The following RNF150 variants were observed in gnomAD, a reference collection of about 807,000 sequenced individuals.
The protein encoded by RNF150 is ring finger protein 150.
In RNF150, 24 loss-of-function variants were observed where a neutral mutation model predicts 39.3. The ratio of observed to expected loss-of-function variants is 0.61; its 90% CI spans 0.44 to 0.86. RNF150 has a LOEUF of 0.86. Ranked by LOEUF, RNF150 falls within the 40% of genes least tolerant of loss-of-function variation. RNF150 has a pLI of 0.00. For synonymous variants in RNF150, 255 were observed against 227.3 expected (o/e 1.12, Z -1.10); for missense variants, 502 against 587.8 (o/e 0.85, Z 1.51).
intron 1 of RNF150, among the ~76,000 whole-genome samples, chr4:141,153,337 A>G (rs1424019015): frequency 6.6e-6 from 1 of 152,182 alleles, no homozygotes; most frequent in East Asian, 1.9e-4. Context: ...GAGGTCATTA[A>G]GGTGGGTCTT....
At chr4:140,969,609 A>C (rs1250698000) in intron 1 of RNF150, among the ~76,000 whole-genome samples, 1 of 151,964 alleles carries the variant, frequency 6.6e-6, no homozygotes, top group Non-Finnish European at 1.5e-5. Flanking sequence ...AAGTAATGGT[A>C]GAATAATAAT....
At chr4:141,083,901 G>A (rs1738252594) in intron 1 of RNF150, among the ~76,000 whole-genome samples, 1 of 152,116 alleles carries the variant, frequency 6.6e-6, no homozygotes, top group Non-Finnish European at 1.5e-5. Context: ...ATGCTCTTTG[G>A]AAATGTAAAA....
At chr4:141,043,446 A>C (rs1229975211) in intron 1 of RNF150, among the ~76,000 whole-genome samples, 2 of 152,162 alleles carry the variant, frequency 1.3e-5, no homozygotes, top group Non-Finnish European at 2.9e-5. Context: ...CTGAGCAAAA[A>C]CATTTTTTCT....
intron 1 of RNF150, among the ~76,000 whole-genome samples, chr4:141,209,948 A>G (rs1728436538): frequency 6.6e-6 from 1 of 152,264 alleles, no homozygotes; most frequent in African/African-American, 2.4e-5. Context: ...CATGGTTTCT[A>G]TTAACTATTG....
intron 6 of RNF150, among the ~76,000 whole-genome samples, chr4:140,907,877 G>T (rs375361139): frequency 6.6e-6 from 1 of 152,140 alleles, no homozygotes; most frequent in East Asian, 1.9e-4. Flanking sequence ...ACCTCATAGG[G>T]TTGTTATGAG....
At chr4:141,059,822 C>A in intron 1 of RNF150, among the ~76,000 whole-genome samples, 1 of 151,982 alleles carries the variant, frequency 6.6e-6, no homozygotes, top group African/African-American at 2.4e-5. Context: ...TTTCTGGTTT[C>A]TAATATTCTC....
intron 4 of RNF150, among the ~76,000 whole-genome samples, chr4:140,933,277 G>A (rs1275993848): frequency 6.6e-6 from 1 of 152,190 alleles, no homozygotes; most frequent in African/African-American, 2.4e-5. Flanking sequence ...GAAGAACTTT[G>A]AAGCATTTAC....
intron 1 of RNF150, among the ~76,000 whole-genome samples, chr4:140,974,907 T>A (rs997346093): frequency 1.3e-5 from 2 of 152,110 alleles, no homozygotes; most frequent in Non-Finnish European, 2.9e-5. Context: ...AATACATGGA[T>A]TTTTTTCAAT....
At chr4:141,022,568 G>A (rs1735535768) in intron 1 of RNF150, among the ~76,000 whole-genome samples, 1 of 152,142 alleles carries the variant, frequency 6.6e-6, no homozygotes, top group Non-Finnish European at 1.5e-5. Flanking sequence ...GACCAAGCAA[G>A]TTAAAAACTC....
intron 5 of RNF150, among the ~76,000 whole-genome samples, chr4:140,916,356 T>G (rs1004219432): frequency 6.6e-6 from 1 of 152,208 alleles, no homozygotes; most frequent in African/African-American, 2.4e-5. Flanking sequence ...TTACAGGACC[T>G]GATGGAGCTG....
intron 1 of RNF150, among the ~76,000 whole-genome samples, chr4:140,985,776 T>C (rs1733997709): frequency 6.6e-6 from 1 of 152,158 alleles, no homozygotes; most frequent in South Asian, 2.1e-4. Context: ...ATATGGGTTA[T>C]ATAAGATATT....
At position 140,863,480 on chromosome 4, in the gene RNF150, A is replaced by C. The variant is rs187641679; in HGVS notation, c.*4781T>G. ...TTGCTACACAATAAAAAGAGGAAAA[A>C]CACCAACAACAGTAACAATGGTAAT... On this transcript the variant is annotated 3_prime_UTR_variant, in exon 7 of 7. Coordinates refer to ENST00000515673, the MANE Select transcript of RNF150 (RefSeq NM_020724.2). 1 of 152,306 alleles carries C rather than the reference A, an allele frequency of 6.6e-6. No homozygotes were observed. The highest frequency in any genetic ancestry group is 1.5e-5 in the Non-Finnish European group (1 of 68,028). The allele number at this position is 152,306 out of a possible 1,614,324, so 9.4% of individuals were successfully genotyped here.
At chr4:141,016,509 T>C (rs1045904632) in intron 1 of RNF150, among the ~76,000 whole-genome samples, 1 of 152,218 alleles carries the variant, frequency 6.6e-6, no homozygotes, top group Non-Finnish European at 1.5e-5. Flanking sequence ...CTATATGGAG[T>C]AGTCCCGCTC....
At chr4:140,935,032 A>AATATATATATAATAT (rs1259156032) in intron 4 of RNF150, among the ~76,000 whole-genome samples, 9 of 9,336 alleles carry the variant, frequency 9.6e-4, no homozygotes, top group Admixed American at 1.9e-3. Context: ...ATATATTTAT[A>AATATATATATAATAT]ATATATATAT....
At position 140,868,170 on chromosome 4, in the gene RNF150, G is replaced by A. The variant is rs1728787202; in HGVS notation, c.*91C>T. 2 of 758,536 alleles carry A rather than the reference G, an allele frequency of 2.6e-6. No individual in the cohort carries two copies. The highest frequency in any genetic ancestry group is 4.7e-6 in the Non-Finnish European group (2 of 424,706). The allele number at this position is 758,536 out of a possible 1,614,324, so 47.0% of individuals were successfully genotyped here. On this transcript the variant is annotated 3_prime_UTR_variant, in exon 7 of 7. Coordinates refer to ENST00000515673, the MANE Select transcript of RNF150 (RefSeq NM_020724.2). ...GCCCTGGAGTTGCCAAGGTGATCTG[G>A]AGGTGTGTGTGTGCCTGGTCCAAGT...
chr4:140,885,917 A>G (rs1051814492), intron 6 of RNF150, among the ~76,000 whole-genome samples: 4 of 152,078 alleles, frequency 2.6e-5, no homozygotes, highest in African/African-American at 9.7e-5. Context: ...GCTTCTTTTT[A>G]TATATGTTCT....
intron 1 of RNF150, among the ~76,000 whole-genome samples, chr4:140,982,621 T>C (rs1028868502): frequency 6.6e-6 from 1 of 151,784 alleles, no homozygotes; most frequent in African/African-American, 2.4e-5. Flanking sequence ...AGCTTCTCTG[T>C]AGTGAGCATG....
chr4:140,992,336 C>A (rs1027784186), intron 1 of RNF150, among the ~76,000 whole-genome samples: 2 of 151,876 alleles, frequency 1.3e-5, no homozygotes, highest in Non-Finnish European at 2.9e-5. Flanking sequence ...TGCCACTGCA[C>A]TCAAACCTGG....
chr4:141,059,049 C>T (rs999775899), intron 1 of RNF150, among the ~76,000 whole-genome samples: 1 of 152,164 alleles, frequency 6.6e-6, no homozygotes, highest in African/African-American at 2.4e-5. Context: ...GGTTTCTTCA[C>T]AAAACTGAGA....
Sources: gnomAD v4.1 joint callset for allele counts (sites outside exome capture counted in the v4.1 genomes callset) on GRCh38, gnomAD v4.1.1 for gene constraint, MANE v1.5 for transcripts, NCBI Gene and HGNC (gene_info 2026-07-23, HGNC 2026-07-21) for gene names.